The following KIR2DL1 variants were observed in gnomAD, a reference collection of about 807,000 sequenced individuals.
KIR2DL1 encodes the protein killer cell immunoglobulin-like receptor 2DL1.
A neutral mutation model predicts 33.9 loss-of-function variants in KIR2DL1; 38 were observed. The ratio of observed to expected loss-of-function variants is 1.12; its 90% CI spans 0.86 to 1.47. The LOEUF is 1.47. KIR2DL1 is among the 40% of genes most tolerant of loss of function. The pLI is 0.00. For synonymous variants in KIR2DL1, 179 were observed against 165.9 expected (o/e 1.08, Z -0.61); for missense variants, 531 against 433.9 (o/e 1.22, Z -1.99).
In KIR2DL1 at chr19:54,782,935, C is replaced by A. The variant is rs755056348; in HGVS notation, c.729C>A (p.His243Gln). 2 of 1,613,630 alleles carry A rather than the reference C, an allele frequency of 1.2e-6. No individual in the cohort carries two copies. The highest frequency in any genetic ancestry group is 1.7e-5 in the Admixed American group (1 of 59,988). The part of the protein sequence containing the change: ...EPSSKTGNPR[H>Q]LHILIGTSVV... ...ATCTTCTTCCAGGTAACCCCCGACA[C>A]CTGCACATTCTGATTGGGACCTCAG... Residue 243 changes from histidine (H) to glutamine (Q), a missense_variant, in exon 6 of 8, where the codon CAC becomes CAA. Transcript: ENST00000336077.
intron 2 of KIR2DL1, among the ~76,000 whole-genome samples, chr19:54,771,229 G>A (rs1330607173): frequency 6.8e-6 from 1 of 147,332 alleles, no homozygotes; most frequent in African/African-American, 2.5e-5. Flanking sequence ...GAAGAGGTGG[G>A]AAAACCACAG....
chr19:54,779,640 T>G (rs1321295734), intron 5 of KIR2DL1, among the ~76,000 whole-genome samples: 2 of 147,914 alleles, frequency 1.4e-5, no homozygotes, highest in South Asian at 2.1e-4. Context: ...TTAGCAACCA[T>G]AATTCCATCT....
Position 54,782,825 on chromosome 19 carries a change from T to A in KIR2DL1, c.716-97T>A. 1.5e-6 allele frequency: 2 copies of A among 1,330,530 alleles called. 1 individual carries two copies. Among genetic ancestry groups the A allele is most frequent in the South Asian group, 2.3e-5 (2 of 85,792 alleles). The allele number at this position is 1,330,530 out of a possible 1,614,324, so 82.4% of individuals were successfully genotyped here. A position where few individuals can be genotyped will look rare whatever the true frequency, so the allele number is the denominator to read the frequency against. ...CATCTGGGTGCTTGTCCTAAAGAGG[T>A]GTTTTATGTGGTTACCTGTCAATCA... On this transcript the variant is annotated intron_variant, in intron 5 of 7. Transcript: ENST00000336077.
intron 4 of KIR2DL1, among the ~76,000 whole-genome samples, chr19:54,777,221 G>T (rs1265565767): frequency 1.3e-5 from 2 of 149,622 alleles, no homozygotes; most frequent in Non-Finnish European, 3.0e-5. Flanking sequence ...CTCCCGAGTA[G>T]CTGGAATTAC....
At chr19:54,781,266 C>G (rs1487197977) in intron 5 of KIR2DL1, among the ~76,000 whole-genome samples, 2 of 145,522 alleles carry the variant, frequency 1.4e-5, no homozygotes, top group African/African-American at 5.0e-5. Context: ...TTCTATTTCT[C>G]TATAATTACT....
At chr19:54,780,653 A>G (rs2076835836) in intron 5 of KIR2DL1, among the ~76,000 whole-genome samples, 1 of 143,254 alleles carries the variant, frequency 7.0e-6, no homozygotes, top group Non-Finnish European at 1.5e-5. Flanking sequence ...CCACTGGTGA[A>G]ATGTGGTGCT....
At chr19:54,776,324 GA>G in intron 4 of KIR2DL1, among the ~76,000 whole-genome samples, 1 of 147,298 alleles carries the variant, frequency 6.8e-6, no homozygotes, top group Non-Finnish European at 1.5e-5. Flanking sequence ...CTACCTTCAT[GA>G]GATCCACCTT....
intron 4 of KIR2DL1, among the ~76,000 whole-genome samples, chr19:54,776,173 G>A (rs199634849): frequency 7.0e-3 from 914 of 129,704 alleles, no homozygotes; most frequent in Middle Eastern, 0.025. Flanking sequence ...TACAGGCATG[G>A]GCCACCAGGC....
Position 54,781,443 on chromosome 19 carries a change from A to C in KIR2DL1, c.716-1479A>C, listed in dbSNP as rs199719099. Among the ~76,000 whole-genome samples, 13 of 137,120 alleles carry C rather than the reference A, an allele frequency of 9.5e-5. No homozygotes were observed. In the South Asian group the frequency reaches 9.7e-4, roughly 10 times the overall value. 90.0% of individuals were successfully genotyped at this position (137,120 alleles called of 152,430 possible). On this transcript the variant is annotated intron_variant, in intron 5 of 7. Coordinates refer to ENST00000336077, the MANE Select transcript of KIR2DL1 (RefSeq NM_014218.3). ...TGGTCATCACAAAAAAAACTTGCCCACTCACCCAAATCCCCCACCTCACCC... is the reference window on the plus strand; with the variant it reads ...TGGTCATCACAAAAAAAACTTGCCCCCTCACCCAAATCCCCCACCTCACCC...
At chr19:54,782,000 G>A (rs2569670) in intron 5 of KIR2DL1, among the ~76,000 whole-genome samples, 14 of 151,394 alleles carry the variant, frequency 9.2e-5, no homozygotes, top group African/African-American at 3.1e-4. Flanking sequence ...CAGAGAATAC[G>A]TTACATAGGC....
At position 54,773,711 on chromosome 19, in the gene KIR2DL1, G is replaced by A. The variant is rs1413829417; in HGVS notation, c.370+79G>A. 9.3e-6 allele frequency: 13 copies of A among 1,396,898 alleles called. 1 individual carries two copies. Among genetic ancestry groups the A allele is most frequent in the Non-Finnish European group, 1.2e-5 (12 of 1,010,260 alleles). 86.5% of individuals were successfully genotyped at this position (1,396,898 alleles called of 1,614,324 possible). ...CCAGGAATTGGAGACCCAGGTGGCT[G>A]TAAGGAAGATGAGCTTGGTATTCTT... is the stretch of plus-strand genomic sequence containing the variant. On this transcript the variant is annotated intron_variant, in intron 3 of 7. Transcript: ENST00000336077.
chr19:54,779,815 T>C (rs1225816923), intron 5 of KIR2DL1, among the ~76,000 whole-genome samples: 3 of 145,336 alleles, frequency 2.1e-5, no homozygotes, highest in African/African-American at 5.1e-5. Context: ...GATGGTTAAA[T>C]GGGAGGGCAG....
chr19:54,783,411 A>T lies in KIR2DL1; in HGVS notation c.818-75A>T, dbSNP rs202124827. The T allele has an allele frequency of 1.6e-4, 245 of 1,523,072 alleles. 5 individuals carry two copies. The South Asian group carries it at 2.4e-3, about 15-fold the overall frequency. 94.3% of individuals were successfully genotyped at this position (1,523,072 alleles called of 1,614,324 possible). A position where few individuals can be genotyped will look rare whatever the true frequency, so the allele number is the denominator to read the frequency against. ...TCAGCCACCTATGGTCTCCCCCTGT[A>T]TGTTGGTATCTGCTTATGAAATGAG... is the stretch of plus-strand genomic sequence containing the variant. On this transcript the variant is annotated intron_variant, in intron 6 of 7. Transcript: ENST00000336077.
At position 54,771,243 on chromosome 19, in the gene KIR2DL1, T is replaced by C. The variant is rs1358179854; in HGVS notation, c.70+359T>C. Reference sequence around the variant, plus strand: ...AGAAGAGGTGGGAAAACCACAGCCATGGCCCTGACATTCCAATCCTCTGAT... The same window carrying C: ...AGAAGAGGTGGGAAAACCACAGCCACGGCCCTGACATTCCAATCCTCTGAT... On this transcript the variant is annotated intron_variant, in intron 2 of 7. Transcript: ENST00000336077. Among the ~76,000 whole-genome samples the C allele has an allele frequency of 2.7e-5, 4 of 145,746 alleles. 1 individual carries two copies. The highest frequency in any genetic ancestry group is 4.6e-5 in the Non-Finnish European group (3 of 65,476).
At chr19:54,778,305 C>G (rs2076578831) in intron 4 of KIR2DL1, among the ~76,000 whole-genome samples, 1 of 149,350 alleles carries the variant, frequency 6.7e-6, no homozygotes, top group Admixed American at 6.8e-5. Flanking sequence ...TGGAATATAT[C>G]TGTGTTATTC....
chr19:54,779,328 G>A (rs2076708305), intron 5 of KIR2DL1, among the ~76,000 whole-genome samples: 2 of 149,002 alleles, frequency 1.3e-5, no homozygotes, highest in Non-Finnish European at 1.5e-5. Flanking sequence ...GTGACAGCAA[G>A]GCTGCCTTCC....
chr19:54,769,952 T>A, intron 1 of KIR2DL1, 68 bp downstream of exon 1: 2 of 1,539,052 alleles, frequency 1.3e-6, no homozygotes, highest in Non-Finnish European at 1.8e-6. Flanking sequence ...GGTGGAGATA[T>A]AGGCCTGGAG....
intron 5 of KIR2DL1, chr19:54,779,980 C>T (rs2076768951): frequency 5.3e-6 from 2 of 376,884 alleles, no homozygotes; most frequent in African/African-American, 2.5e-5. Flanking sequence ...CTCACTGCAA[C>T]CTGCGTCTCC....
At chr19:54,771,090 G>A (rs562093908) in intron 2 of KIR2DL1, among the ~76,000 whole-genome samples, 2 of 148,672 alleles carry the variant, frequency 1.3e-5, no homozygotes, top group African/African-American at 4.9e-5. Flanking sequence ...AGACTACGGT[G>A]CTCAAAGCTG....
Sources: allele counts gnomAD v4.1 joint callset (sites outside exome capture counted in the v4.1 genomes callset), GRCh38; gene constraint gnomAD v4.1.1; transcripts MANE v1.5; gene names NCBI Gene and HGNC (gene_info 2026-07-23, HGNC 2026-07-21).